Variants in DPYSL2 observed in about 807,000 individuals in gnomAD.
The protein encoded by DPYSL2 is dihydropyrimidinase-related protein 2.
Under a neutral mutation model 69.9 loss-of-function variants are expected in DPYSL2, and 13 were observed. That is an observed-to-expected ratio of 0.19 (90% CI 0.12 to 0.30). The LOEUF (loss-of-function observed/expected upper bound fraction) is 0.30. Among genes scored for constraint, DPYSL2 ranks in the 10% least tolerant of loss-of-function variants. DPYSL2 has a pLI of 1.00. For missense variants in DPYSL2, 587 were observed against 918.9 expected (o/e 0.64, Z 4.67); for synonymous variants, 326 against 359.1 (o/e 0.91, Z 1.04).
At chr8:26,634,699 C>A in intron 7 of DPYSL2, 81 bp from the exon 8 acceptor site, 2 of 1,606,992 alleles carry the variant, frequency 1.2e-6, no homozygotes, top group South Asian at 1.1e-5. Context: ...TCATCTTAGC[C>A]TCTCTCTGGG....
rs146045890 is a variant in DPYSL2 at position 26,516,245 on chromosome 8, A to G, written c.354+1566A>G. Among the ~76,000 whole-genome samples, 766 of 152,352 alleles carry G rather than the reference A, an allele frequency of 5.0e-3. 8 individuals are homozygous for G. Among genetic ancestry groups the G allele is most frequent in the Non-Finnish European group, 7.1e-3 (482 of 68,046 alleles). ...CAAAAAACTTGCTTTGTTCCAAGTG[A>G]TCAGACAATTGAAGTAAAAGTTTCT... is the stretch of plus-strand genomic sequence containing the variant. On this transcript the variant is annotated intron_variant, in intron 1 of 13. Coordinates refer to ENST00000521913, the MANE Select transcript of DPYSL2 (RefSeq NM_001197293.3). The surrounding 1 kb of genome is among the most constrained non-coding windows in gnomAD (Gnocchi z 4.8).
At chr8:26,590,130 C>T (rs963772279) in intron 3 of DPYSL2, among the ~76,000 whole-genome samples, 1 of 152,202 alleles carries the variant, frequency 6.6e-6, no homozygotes, top group Non-Finnish European at 1.5e-5. Context: ...TTTGATTATT[C>T]CCTTTGCAGC....
intron 1 of DPYSL2, among the ~76,000 whole-genome samples, chr8:26,576,755 T>G (rs1473531625): frequency 6.6e-6 from 1 of 152,210 alleles, no homozygotes; most frequent in African/African-American, 2.4e-5. Context: ...TCCTGTGGGA[T>G]ATAAACTCTT....
At chr8:26,630,564 T>C (rs966838555) in intron 7 of DPYSL2, among the ~76,000 whole-genome samples, 17 of 152,088 alleles carry the variant, frequency 1.1e-4, no homozygotes, top group African/African-American at 4.1e-4. Context: ...ATTTCAGTTT[T>C]GTAACTGTCC....
chr8:26,514,179 A>G lies in DPYSL2; in HGVS notation c.-147A>G, dbSNP rs1396965920. ...CGGGAGGGTGGGTCGCCGGCTCGCCAGCCCTCCTTCCTTTCTGTGCACCTT... is the reference window on the plus strand; with the variant it reads ...CGGGAGGGTGGGTCGCCGGCTCGCCGGCCCTCCTTCCTTTCTGTGCACCTT... On this transcript the variant is annotated 5_prime_UTR_variant, in exon 1 of 14. Coordinates refer to ENST00000521913, the MANE Select transcript of DPYSL2 (RefSeq NM_001197293.3). This position sits in a 1 kb window ranked among gnomAD's most constrained non-coding sequence, Gnocchi z 8.4. The G allele has an allele frequency of 2.9e-5, 18 of 629,384 alleles. No homozygotes were observed. Among genetic ancestry groups the G allele is most frequent in the Non-Finnish European group, 4.0e-5 (17 of 423,534 alleles). The allele number at this position is 629,384 out of a possible 1,614,324, so 39.0% of individuals were successfully genotyped here.
chr8:26,653,621 C>T lies in DPYSL2; in HGVS notation c.1942+224C>T, dbSNP rs1027040880. Among the ~76,000 whole-genome samples the T allele has an allele frequency of 1.3e-5, 2 of 152,134 alleles. No homozygotes were observed. ...TTACCCAGACTGGAGTGCAATGGCACGACCTTGGCTCACTGCAACCTCCAC... is the reference window on the plus strand; with the variant it reads ...TTACCCAGACTGGAGTGCAATGGCATGACCTTGGCTCACTGCAACCTCCAC... On this transcript the variant is annotated intron_variant, in intron 13 of 13. Transcript: ENST00000521913. This position sits in a 1 kb window ranked among gnomAD's most constrained non-coding sequence, Gnocchi z 5.7.
At position 26,546,790 on chromosome 8, in the gene DPYSL2, G is replaced by A. The variant is rs962631364; in HGVS notation, c.354+32111G>A. Among the ~76,000 whole-genome samples, 9 of 151,018 alleles carry A rather than the reference G, an allele frequency of 6.0e-5. No individual in the cohort carries two copies. The East Asian group carries it at 7.9e-4, about 13-fold the overall frequency. On this transcript the variant is annotated intron_variant, in intron 1 of 13. Transcript: ENST00000521913. ...AAAAAAATTAGCCGGGCGTGGTGGC[G>A]GGCACCTGTAGTCCCAGCTACTCAG...
At chr8:26,523,106 A>T (rs1585487073) in intron 1 of DPYSL2, among the ~76,000 whole-genome samples, 2 of 150,206 alleles carry the variant, frequency 1.3e-5, no homozygotes, top group Admixed American at 6.6e-5. Context: ...TATGTAAAAA[A>T]CTCCTTCTTT....
chr8:26,624,310 A>C lies in DPYSL2; in HGVS notation c.793+3A>C. On this transcript the variant is annotated splice_donor_region_variant and intron_variant, in intron 4 of 13. Transcript: ENST00000521913. This position sits in a 1 kb window ranked among gnomAD's most constrained non-coding sequence, Gnocchi z 4.7. The stretch of plus-strand genomic sequence containing the variant: ...GGAAGCGCTTGTGAAGGATCACGGT[A>C]GGTTGCACTGAGTCAATGCCCTCTG... 6.2e-7 allele frequency: 1 copy of C among 1,613,990 alleles called. No homozygotes were observed. Among genetic ancestry groups the C allele is most frequent in the South Asian group, 1.1e-5 (1 of 91,066 alleles).
In DPYSL2 at chr8:26,555,966, TTATATATAG is replaced by T. The variant is rs571344127; in HGVS notation, c.355-25985_355-25977del. Among the ~76,000 whole-genome samples, 485 of 121,452 alleles carry T rather than the reference TTATATATAG, an allele frequency of 4.0e-3. 2 individuals carry two copies. Among genetic ancestry groups the T allele is most frequent in the African/African-American group, 0.011 (335 of 31,708 alleles). The allele number at this position is 121,452 out of a possible 152,430, so 79.7% of individuals were successfully genotyped here. On this transcript the variant is annotated intron_variant, in intron 1 of 13. Transcript: ENST00000521913. ...TATATACATATACATGTATTATATA[TTATATATAG>T]TATATATAGTATATATAAATATATA...
intron 3 of DPYSL2, among the ~76,000 whole-genome samples, chr8:26,603,686 C>G (rs1802044928): frequency 6.6e-6 from 1 of 152,212 alleles, no homozygotes; most frequent in Non-Finnish European, 1.5e-5. Context: ...TCTCTAGCCC[C>G]TGGTGGCCCC....
chr8:26,643,346 T>G lies in DPYSL2; in HGVS notation c.1127-93T>G, dbSNP rs1014195000. ...TCCTATAAAGGGATAGTGAGTGCAC[T>G]GGGTGCTGCTGGGCAGGCAGTGGCT... On this transcript the variant is annotated intron_variant, in intron 8 of 13. Coordinates refer to ENST00000521913, the MANE Select transcript of DPYSL2 (RefSeq NM_001197293.3). The surrounding 1 kb of genome is among the most constrained non-coding windows in gnomAD (Gnocchi z 6.5). 1.5e-6 allele frequency: 2 copies of G among 1,362,354 alleles called. No individual in the cohort carries two copies. The highest frequency in any genetic ancestry group is 2.0e-6 in the Non-Finnish European group (2 of 1,000,122). The allele number at this position is 1,362,354 out of a possible 1,614,324, so 84.4% of individuals were successfully genotyped here. A position where few individuals can be genotyped will look rare whatever the true frequency, so the allele number is the denominator to read the frequency against.
At chr8:26,592,764 A>C (rs536033178) in intron 3 of DPYSL2, among the ~76,000 whole-genome samples, 1 of 152,296 alleles carries the variant, frequency 6.6e-6, no homozygotes, top group South Asian at 2.1e-4. Context: ...GGCATGTCCC[A>C]CTGTGCCCGG....
intron 1 of DPYSL2, among the ~76,000 whole-genome samples, chr8:26,521,390 T>C (rs1585486087): frequency 6.6e-6 from 1 of 152,192 alleles, no homozygotes; most frequent in Non-Finnish European, 1.5e-5. Flanking sequence ...TCAGTGGTCA[T>C]TGGGCTGTCC....
In DPYSL2 at chr8:26,583,954, C is replaced by T. The variant is rs1801542576; in HGVS notation, c.599C>T (p.Ala200Val). ...SADDFFQGTK[A>V]ALAGGTTMII... Reference sequence around the variant, plus strand: ...GATGATTTCTTCCAAGGAACCAAGGCGGCCCTGGCTGGGGGAACCACTATG... The same window carrying T: ...GATGATTTCTTCCAAGGAACCAAGGTGGCCCTGGCTGGGGGAACCACTATG... The change falls in exon 3 of 14, where the codon GCG (alanine) becomes GTG (valine). Residue 200 changes from alanine (A) to valine (V), a missense_variant. Around this residue, in one of 3 missense-constraint regions of DPYSL2, gnomAD observed 452 missense variants for 754.3 expected, o/e 0.60. Transcript: ENST00000521913. The T allele has an allele frequency of 1.2e-6, 2 of 1,614,026 alleles. No homozygotes were observed. Among genetic ancestry groups the T allele is most frequent in the South Asian group, 1.1e-5 (1 of 91,072 alleles).
chr8:26,543,753 C>T (rs1315671975), intron 1 of DPYSL2, among the ~76,000 whole-genome samples: 3 of 152,236 alleles, frequency 2.0e-5, no homozygotes, highest in Non-Finnish European at 4.4e-5. Flanking sequence ...TCCCAAAGTG[C>T]TGGGATTACA....
chr8:26,603,209 A>G (rs372724561), intron 3 of DPYSL2, among the ~76,000 whole-genome samples: 18 of 151,756 alleles, frequency 1.2e-4, no homozygotes, highest in African/African-American at 2.2e-4. Context: ...GTCTCGCTCT[A>G]TCTCCCAGGC....
rs1288194819 is a variant in DPYSL2, at chr8:26,656,949, A to G, written c.*1243A>G. Reference sequence around the variant, plus strand: ...CCCAAGTGAACCAACCAAAGTCACCAGTTCAGAAGTGCTAAGCTAATAGGA... The same window carrying G: ...CCCAAGTGAACCAACCAAAGTCACCGGTTCAGAAGTGCTAAGCTAATAGGA... On this transcript the variant is annotated 3_prime_UTR_variant, in exon 14 of 14. Coordinates refer to ENST00000521913, the MANE Select transcript of DPYSL2 (RefSeq NM_001197293.3). 1 of 152,358 alleles carries G rather than the reference A, an allele frequency of 6.6e-6. No individual in the cohort carries two copies. The highest frequency in any genetic ancestry group is 1.5e-5 in the Non-Finnish European group (1 of 68,076). The allele number at this position is 152,358 out of a possible 1,614,324, so 9.4% of individuals were successfully genotyped here.
chr8:26,541,796 G>A (rs968321025), intron 1 of DPYSL2, among the ~76,000 whole-genome samples: 2 of 152,030 alleles, frequency 1.3e-5, no homozygotes, highest in Non-Finnish European at 2.9e-5. Context: ...AAAAAAACCT[G>A]TAACAGATAC....
Sources: allele counts gnomAD v4.1 joint callset (sites outside exome capture counted in the v4.1 genomes callset), GRCh38; gene constraint gnomAD v4.1.1; regional missense constraint gnomAD v4.1.1; non-coding constraint Gnocchi (gnomAD v3.1); transcripts MANE v1.5; gene names NCBI Gene and HGNC (gene_info 2026-07-23, HGNC 2026-07-21).